Variants in XKR6 observed in about 807,000 individuals in gnomAD.
XKR6 encodes XK-related protein 6.
XKR6 carries 22 observed loss-of-function variants against 56.7 expected under a neutral mutation model. The observed-to-expected ratio is 0.39, with a 90% CI of 0.28 to 0.55. The LOEUF is 0.55. XKR6 is among the 20% of genes least tolerant of loss of function. The pLI, the probability that XKR6 is intolerant of heterozygous loss-of-function variation, is 0.66. For synonymous variants in XKR6, 524 were observed against 387.8 expected (o/e 1.35, Z -4.13); for missense variants, 852 against 889.0 (o/e 0.96, Z 0.53).
intron 1 of XKR6, among the ~76,000 whole-genome samples, chr8:11,122,044 T>C (rs1182274304): frequency 1.3e-5 from 2 of 152,196 alleles, no homozygotes; most frequent in East Asian, 3.8e-4. Context: ...CAATATTCAA[T>C]AGCACACAGT....
At chr8:11,160,562 G>C (rs1425166809) in intron 1 of XKR6, among the ~76,000 whole-genome samples, 2 of 152,164 alleles carry the variant, frequency 1.3e-5, no homozygotes, top group Admixed American at 1.3e-4. Flanking sequence ...ATAAAGCGAG[G>C]AAAGGCAGAC....
At chr8:10,912,615 G>A (rs1041423363) in intron 2 of XKR6, among the ~76,000 whole-genome samples, 5 of 145,622 alleles carry the variant, frequency 3.4e-5, no homozygotes, top group Non-Finnish European at 7.5e-5. Flanking sequence ...GAAAGAGGGT[G>A]TGTGAGTATA....
rs559705698 is a variant in XKR6, at chr8:10,990,966, G to C, written c.765-66136C>G. ...CACCCAGGCTGGAGTGCAATGGCAC[G>C]ATCTCAGCTCACTGCCACCTCCACC... On this transcript the variant is annotated intron_variant, in intron 1 of 2. Coordinates refer to ENST00000416569, the MANE Select transcript of XKR6 (RefSeq NM_173683.4). Among the ~76,000 whole-genome samples, 4 of 135,426 alleles carry C rather than the reference G, an allele frequency of 3.0e-5. No homozygotes were observed. In the South Asian group the frequency reaches 7.5e-4, roughly 25 times the overall value. The allele number at this position is 135,426 out of a possible 152,430, so 88.8% of individuals were successfully genotyped here. A position where few individuals can be genotyped will look rare whatever the true frequency, so the allele number is the denominator to read the frequency against.
chr8:11,198,666 A>C (rs11783045), intron 1 of XKR6, among the ~76,000 whole-genome samples: 4 of 152,098 alleles, frequency 2.6e-5, no homozygotes, highest in African/African-American at 9.6e-5. Flanking sequence ...ATTCTACTCC[A>C]ATTTCATTCT....
chr8:10,992,080 A>T (rs1798006409), intron 1 of XKR6, among the ~76,000 whole-genome samples: 1 of 152,198 alleles, frequency 6.6e-6, no homozygotes, highest in Non-Finnish European at 1.5e-5. Flanking sequence ...AGGCCTCCAC[A>T]GTCTAAATAC....
chr8:11,059,847 G>C (rs1031805531), intron 1 of XKR6, among the ~76,000 whole-genome samples: 5 of 152,140 alleles, frequency 3.3e-5, no homozygotes, highest in African/African-American at 1.2e-4. Context: ...TGTTCAGGAT[G>C]AAGGGAGGTG....
intron 1 of XKR6, among the ~76,000 whole-genome samples, chr8:11,029,142 A>G (rs1798936076): frequency 1.3e-5 from 2 of 151,960 alleles, no homozygotes; most frequent in Non-Finnish European, 2.9e-5. Context: ...TGTCCCCAAG[A>G]ACCCAGCCCT....
chr8:10,984,332 ACC>A (rs1217494699), intron 1 of XKR6, among the ~76,000 whole-genome samples: 1 of 151,942 alleles, frequency 6.6e-6, no homozygotes, highest in Non-Finnish European at 1.5e-5. Flanking sequence ...AATCACACAC[ACC>A]CCTCAACTCA....
chr8:11,129,711 G>A (rs1005136582), intron 1 of XKR6, among the ~76,000 whole-genome samples: 37 of 152,130 alleles, frequency 2.4e-4, no homozygotes, highest in Admixed American at 1.8e-3. Context: ...ATAATTTAAG[G>A]ATTTTGCATT....
chr8:10,979,875 C>T (rs1231922043), intron 1 of XKR6, among the ~76,000 whole-genome samples: 1 of 152,196 alleles, frequency 6.6e-6, no homozygotes, highest in East Asian at 1.9e-4. Flanking sequence ...AGAGTGGTCT[C>T]TGGTCCTCTT....
chr8:10,976,311 C>T (rs759801166), intron 1 of XKR6, among the ~76,000 whole-genome samples: 38 of 152,196 alleles, frequency 2.5e-4, no homozygotes, highest in Non-Finnish European at 4.6e-4. Flanking sequence ...CCAGCAGGGT[C>T]CTCCTTCCTT....
intron 1 of XKR6, among the ~76,000 whole-genome samples, chr8:11,127,008 T>C (rs1799835951): frequency 6.6e-6 from 1 of 152,200 alleles, no homozygotes; most frequent in South Asian, 2.1e-4. Flanking sequence ...CTAACATATA[T>C]TTAACAACAT....
rs4421322 is a variant in XKR6, at chr8:11,041,284, G to A, written c.765-116454C>T. 2.2e-3 allele frequency among the ~76,000 whole-genome samples: 331 copies of A among 152,264 alleles called. 1 individual carries two copies. Among genetic ancestry groups the A allele is most frequent in the African/African-American group, 5.5e-3 (228 of 41,556 alleles). On this transcript the variant is annotated intron_variant, in intron 1 of 2. Coordinates refer to ENST00000416569, the MANE Select transcript of XKR6 (RefSeq NM_173683.4). Reference sequence around the variant, plus strand: ...CAAAGAGCATGACATCAGGCCGGGCGCGGTGGCTCACGCCTGTAATCCCAG... The same window carrying A: ...CAAAGAGCATGACATCAGGCCGGGCACGGTGGCTCACGCCTGTAATCCCAG...
chr8:11,053,882 T>A (rs2129160948), intron 1 of XKR6, among the ~76,000 whole-genome samples: 1 of 152,278 alleles, frequency 6.6e-6, no homozygotes, highest in African/African-American at 2.4e-5. Flanking sequence ...ACTCTAGAAT[T>A]TGATGATTTT....
chr8:10,943,880 C>T (rs979151144), intron 1 of XKR6, among the ~76,000 whole-genome samples: 1 of 152,172 alleles, frequency 6.6e-6, no homozygotes, highest in South Asian at 2.1e-4. Context: ...CCCCATTTTA[C>T]AGATGAGGAC....
intron 1 of XKR6, among the ~76,000 whole-genome samples, chr8:10,954,704 T>C (rs1801821786): frequency 6.6e-6 from 1 of 152,132 alleles, no homozygotes; most frequent in African/African-American, 2.4e-5. Flanking sequence ...TTTGTGCTTT[T>C]GGTGTCATAT....
chr8:11,074,984 C>T (rs527874448), intron 1 of XKR6, among the ~76,000 whole-genome samples: 11 of 152,288 alleles, frequency 7.2e-5, no homozygotes, highest in Non-Finnish European at 1.0e-4. Context: ...CAGACCAGGA[C>T]GCAGAGCAGA....
At chr8:11,113,267 G>A (rs1387127987) in intron 1 of XKR6, among the ~76,000 whole-genome samples, 1 of 152,050 alleles carries the variant, frequency 6.6e-6, no homozygotes, top group Non-Finnish European at 1.5e-5. Context: ...AACCTTTTTG[G>A]AATTCTATTT....
chr8:10,991,005 G>A (rs1180151293), intron 1 of XKR6, among the ~76,000 whole-genome samples: 1 of 144,848 alleles, frequency 6.9e-6, no homozygotes, highest in Non-Finnish European at 1.5e-5. Flanking sequence ...CGGAGTTCAA[G>A]CGATTCTCCT....
Sources: gnomAD v4.1 joint callset for allele counts (sites outside exome capture counted in the v4.1 genomes callset) on GRCh38, gnomAD v4.1.1 for gene constraint, MANE v1.5 for transcripts, NCBI Gene and HGNC (gene_info 2026-07-23, HGNC 2026-07-21) for gene names.